Variants in CPNE4 observed in about 807,000 individuals in gnomAD.
CPNE4 encodes the protein copine-4.
A neutral mutation model predicts 67.9 loss-of-function variants in CPNE4; 25 were observed. The observed-to-expected ratio is 0.37, with a 90% CI of 0.27 to 0.51. The LOEUF is 0.51. Among genes scored for constraint, CPNE4 ranks in the 20% least tolerant of loss-of-function variants. CPNE4 has a pLI of 0.93. For synonymous variants in CPNE4, 242 were observed against 244.9 expected (o/e 0.99, Z 0.11); for missense variants, 464 against 690.8 (o/e 0.67, Z 3.68).
intron 2 of CPNE4, among the ~76,000 whole-genome samples, chr3:131,784,409 G>A (rs574193441): frequency 7.2e-5 from 11 of 152,054 alleles, no homozygotes; most frequent in East Asian, 1.9e-4. Context: ...GATTTCTGCC[G>A]CAACTGTGGC....
chr3:132,027,100 G>C (rs2074130263), intron 1 of CPNE4, among the ~76,000 whole-genome samples: 2 of 152,174 alleles, frequency 1.3e-5, no homozygotes, highest in Non-Finnish European at 1.5e-5. Context: ...TCAACCAAAA[G>C]TTTTTGAGCA....
chr3:131,902,121 G>C (rs531473872), intron 2 of CPNE4, among the ~76,000 whole-genome samples: 9 of 152,098 alleles, frequency 5.9e-5, no homozygotes, highest in African/African-American at 1.9e-4. Context: ...ATTGTTAAGA[G>C]AGCAAAATTT....
At chr3:131,547,817 G>C (rs1935955937) in intron 14 of CPNE4, among the ~76,000 whole-genome samples, 1 of 152,104 alleles carries the variant, frequency 6.6e-6, no homozygotes, top group Admixed American at 6.6e-5. Flanking sequence ...GGAGATGAGA[G>C]AACATGCCCC....
chr3:132,011,644 A>G (rs183772143), intron 1 of CPNE4, among the ~76,000 whole-genome samples: 2 of 152,388 alleles, frequency 1.3e-5, no homozygotes, highest in African/African-American at 4.8e-5. Flanking sequence ...AACAGCCAGC[A>G]TAGAATAGCT....
At chr3:131,872,825 C>T (rs550744944) in intron 2 of CPNE4, among the ~76,000 whole-genome samples, 2 of 152,226 alleles carry the variant, frequency 1.3e-5, no homozygotes, top group African/African-American at 4.8e-5. Context: ...TTAGCTAGGC[C>T]CCCAGTTAAT....
chr3:131,610,767 A>C (rs1193339504), intron 7 of CPNE4, among the ~76,000 whole-genome samples: 3 of 152,150 alleles, frequency 2.0e-5, no homozygotes, highest in African/African-American at 7.2e-5. Context: ...GACCTGACCT[A>C]AGATTGGCAT....
intron 5 of CPNE4, among the ~76,000 whole-genome samples, chr3:131,686,341 T>C (rs1290557843): frequency 2.0e-5 from 3 of 152,266 alleles, no homozygotes; most frequent in Non-Finnish European, 4.4e-5. Flanking sequence ...TTCATTATAG[T>C]TATTTTAATG....
At chr3:131,647,872 T>C (rs890821376) in intron 7 of CPNE4, among the ~76,000 whole-genome samples, 1 of 152,190 alleles carries the variant, frequency 6.6e-6, no homozygotes, top group Non-Finnish European at 1.5e-5. Context: ...TCCTTTGCTC[T>C]TTTATCCTCA....
chr3:131,577,889 A>T (rs1167860454), intron 9 of CPNE4, among the ~76,000 whole-genome samples: 1 of 152,152 alleles, frequency 6.6e-6, no homozygotes, highest in Non-Finnish European at 1.5e-5. Flanking sequence ...AAATGTTATT[A>T]TGCAGAGCAT....
At chr3:131,749,491 T>C (rs1288638887) in intron 2 of CPNE4, among the ~76,000 whole-genome samples, 1 of 152,128 alleles carries the variant, frequency 6.6e-6, no homozygotes, top group Non-Finnish European at 1.5e-5. Flanking sequence ...GTTTTTGAGT[T>C]CTATATTCTT....
At chr3:131,816,912 G>A (rs2084764711) in intron 2 of CPNE4, among the ~76,000 whole-genome samples, 1 of 152,132 alleles carries the variant, frequency 6.6e-6, no homozygotes, top group Non-Finnish European at 1.5e-5. Flanking sequence ...TTTACATACA[G>A]TAAACTGCAC....
chr3:132,026,132 G>T lies in CPNE4; in HGVS notation c.-2+8435C>A, dbSNP rs181389496. 1.1e-4 allele frequency among the ~76,000 whole-genome samples: 16 copies of T among 152,282 alleles called. 1 individual carries two copies. The highest frequency in any genetic ancestry group is 7.2e-4 in the Admixed American group (11 of 15,296). On this transcript the variant is annotated intron_variant, in intron 1 of 15. Transcript: ENST00000429747. The stretch of plus-strand genomic sequence containing the variant: ...GAATATTTTTAATAAATGAGAGCAG[G>T]CGTAGAATAGATTTTGAGTAAGTTA...
chr3:131,789,249 G>T (rs996362528), intron 2 of CPNE4, among the ~76,000 whole-genome samples: 1 of 152,170 alleles, frequency 6.6e-6, no homozygotes. Flanking sequence ...AACTGCACAT[G>T]TTTGAATCTA....
At chr3:132,027,909 C>T (rs1314352423) in intron 1 of CPNE4, among the ~76,000 whole-genome samples, 1 of 152,068 alleles carries the variant, frequency 6.6e-6, no homozygotes, top group Non-Finnish European at 1.5e-5. Context: ...TGAAATACAC[C>T]TTTCAATATT....
intron 2 of CPNE4, among the ~76,000 whole-genome samples, chr3:131,803,358 C>T (rs1345985044): frequency 6.6e-6 from 1 of 152,198 alleles, no homozygotes; most frequent in Non-Finnish European, 1.5e-5. Context: ...CTTTCTAATA[C>T]AGTCAGTCCT....
At chr3:131,803,869 C>T (rs2084218177) in intron 2 of CPNE4, among the ~76,000 whole-genome samples, 1 of 152,108 alleles carries the variant, frequency 6.6e-6, no homozygotes, top group African/African-American at 2.4e-5. Flanking sequence ...AGTGGAAAAC[C>T]GTAAAGACTA....
chr3:131,570,372 C>CT (rs1226635120), intron 10 of CPNE4, among the ~76,000 whole-genome samples: 8 of 151,486 alleles, frequency 5.3e-5, no homozygotes, highest in Non-Finnish European at 8.8e-5. Flanking sequence ...TTTTAGGGTA[C>CT]ATGTGCACAT....
At chr3:131,835,007 C>T (rs1180660951) in intron 2 of CPNE4, among the ~76,000 whole-genome samples, 1 of 152,178 alleles carries the variant, frequency 6.6e-6, no homozygotes, top group East Asian at 1.9e-4. Context: ...AAGTTCCAGT[C>T]AGGATGGAAT....
intron 1 of CPNE4, among the ~76,000 whole-genome samples, chr3:132,008,018 GTC>G: frequency 6.6e-6 from 1 of 152,144 alleles, no homozygotes. Flanking sequence ...AGGGGGTTTT[GTC>G]TCTGTTTTCA....
Sources: allele counts gnomAD v4.1 joint callset (sites outside exome capture counted in the v4.1 genomes callset), GRCh38; gene constraint gnomAD v4.1.1; transcripts MANE v1.5; gene names NCBI Gene and HGNC (gene_info 2026-07-23, HGNC 2026-07-21).